SMIM36: variants seen among roughly 807,000 people sequenced by gnomAD.
SMIM36 encodes small integral membrane protein 36.
intron 1 of SMIM36, among the ~76,000 whole-genome samples, chr17:55,485,794 TACGTATGAGGAA>T (rs1317355836): frequency 6.6e-6 from 1 of 152,178 alleles, no homozygotes; most frequent in Non-Finnish European, 1.5e-5. Flanking sequence ...ATTCCCATCT[TACGTATGAGGAA>T]ACGGAGGCAC....
intron 1 of SMIM36, among the ~76,000 whole-genome samples, chr17:55,483,452 T>C (rs1252461954): frequency 6.6e-6 from 1 of 152,182 alleles, no homozygotes; most frequent in Non-Finnish European, 1.5e-5. Context: ...GAGATTAACA[T>C]TTAAATCAGT....
intron 1 of SMIM36, among the ~76,000 whole-genome samples, chr17:55,483,496 G>T (rs1023308864): frequency 6.6e-6 from 1 of 152,116 alleles, no homozygotes; most frequent in African/African-American, 2.4e-5. Flanking sequence ...CCATCATGTG[G>T]GTGGGCCTCC....
At position 55,479,590 on chromosome 17, in the gene SMIM36, T is replaced by TA. The variant is rs1374603766; in HGVS notation, c.*175-11dup. 1 of 151,884 alleles carries TA rather than the reference T, an allele frequency of 6.6e-6. No homozygotes were observed. Among genetic ancestry groups the TA allele is most frequent in the Non-Finnish European group, 1.5e-5 (1 of 67,968 alleles). The allele number at this position is 151,884 out of a possible 1,614,324, so 9.4% of individuals were successfully genotyped here. ...CAGAGTGAGACTCCATCTCAAAAAA[T>TA]AAAAAAATAAAAAATAAACAAATAA... On this transcript the variant is annotated splice_polypyrimidine_tract_variant and intron_variant, in intron 1 of 4. Coordinates refer to ENST00000636752, the Ensembl canonical transcript of SMIM36.
intron 1 of SMIM36, among the ~76,000 whole-genome samples, chr17:55,492,083 A>C (rs1229521666): frequency 2.6e-5 from 4 of 151,216 alleles, no homozygotes; most frequent in South Asian, 2.1e-4. Context: ...GGCGTGAACC[A>C]GGGAGGCAGA....
In SMIM36 at chr17:55,495,752, C is replaced by A. The variant is rs566986969; in HGVS notation, c.*174+15127G>T. 2.2e-3 allele frequency among the ~76,000 whole-genome samples: 334 copies of A among 152,144 alleles called. 3 individuals are homozygous for A. The South Asian group carries it at 0.022, about 10-fold the overall frequency. ...AAGGCTGCTGTGAATTATGATTGTA[C>A]CACTGCTTTCCAGCCTGGGCTGTAA... On this transcript the variant is annotated intron_variant, in intron 1 of 4. Coordinates refer to ENST00000636752, the Ensembl canonical transcript of SMIM36.
chr17:55,459,121 G>A (rs1208821392), intron 4 of SMIM36, among the ~76,000 whole-genome samples: 2 of 152,270 alleles, frequency 1.3e-5, no homozygotes, highest in African/African-American at 2.4e-5. Flanking sequence ...CAGCCTGTCC[G>A]TGTGTATGCT....
At chr17:55,488,497 G>A (rs1169309678) in intron 1 of SMIM36, among the ~76,000 whole-genome samples, 1 of 152,132 alleles carries the variant, frequency 6.6e-6, no homozygotes, top group Non-Finnish European at 1.5e-5. Context: ...GCATACATAT[G>A]TACATTATAC....
intron 1 of SMIM36, among the ~76,000 whole-genome samples, chr17:55,501,620 C>T (rs988141610): frequency 1.5e-5 from 2 of 135,088 alleles, no homozygotes; most frequent in Admixed American, 8.3e-5. Context: ...ATATATTAAT[C>T]ACTGAATATA....
chr17:55,527,625 C>A, the SMIM36 span: 1 of 152,082 alleles, frequency 6.6e-6, no homozygotes, highest in African/African-American at 2.4e-5. Context: ...CTTTTTCCTT[C>A]TTTTTATAGG....
chr17:55,458,685 G>T (rs939416457), intron 4 of SMIM36, among the ~76,000 whole-genome samples: 1 of 151,708 alleles, frequency 6.6e-6, no homozygotes, highest in African/African-American at 2.4e-5. Flanking sequence ...AGAAGAGCAT[G>T]CCTCCTCTGC....
exon 3 of SMIM36, chr17:55,478,776 G>A (rs773973886): frequency 6.6e-6 from 1 of 152,152 alleles, no homozygotes; most frequent in Admixed American, 6.5e-5. Context: ...TTTCTTTGCA[G>A]TGTCTCTTAA....
At chr17:55,513,436 A>G (rs1698678079), upstream of SMIM36, among the ~76,000 whole-genome samples, 1 of 152,240 alleles carries the variant, frequency 6.6e-6, no homozygotes, top group African/African-American at 2.4e-5. Flanking sequence ...TCCTGAAGGC[A>G]GATCTACAGG....
At chr17:55,453,710 C>T (rs1430887613) in intron 4 of SMIM36, among the ~76,000 whole-genome samples, 1 of 152,140 alleles carries the variant, frequency 6.6e-6, no homozygotes, top group Non-Finnish European at 1.5e-5. Flanking sequence ...TCCCTCCCAC[C>T]CCTGCAGGTA....
At chr17:55,468,505 G>C (rs1167338581) in intron 3 of SMIM36, 2 of 153,042 alleles carry the variant, frequency 1.3e-5, no homozygotes, top group Non-Finnish European at 2.9e-5. Flanking sequence ...ATTATAGCGG[G>C]GACGCCTGCC....
intron 1 of SMIM36, among the ~76,000 whole-genome samples, chr17:55,510,424 G>C (rs1910159811): frequency 6.6e-6 from 1 of 152,130 alleles, no homozygotes; most frequent in East Asian, 1.9e-4. Flanking sequence ...GGGCAACATA[G>C]TGAAACCCCA....
chr17:55,508,836 T>C (rs1173426475), intron 1 of SMIM36, among the ~76,000 whole-genome samples: 1 of 151,040 alleles, frequency 6.6e-6, no homozygotes, highest in Non-Finnish European at 1.5e-5. Flanking sequence ...GGCAGGAGCA[T>C]TGCTTGAACC....
chr17:55,519,418 T>C, the SMIM36 span, among the ~76,000 whole-genome samples: 1 of 152,032 alleles, frequency 6.6e-6, no homozygotes. Context: ...GCAATGGTGG[T>C]CCCTGTGTGG....
At chr17:55,501,378 TATAGAATATA>T (rs1909964527) in intron 1 of SMIM36, among the ~76,000 whole-genome samples, 1 of 81,116 alleles carries the variant, frequency 1.2e-5, no homozygotes, top group Non-Finnish European at 2.1e-5. Context: ...TATTATATAT[TATAGAATATA>T]ATATATTATA....
chr17:55,521,365 T>C, the SMIM36 span, among the ~76,000 whole-genome samples: 1 of 152,364 alleles, frequency 6.6e-6, no homozygotes, highest in African/African-American at 2.4e-5. Context: ...GTTTTAGGGA[T>C]AACAAATGTG....
Sources: allele counts gnomAD v4.1 joint callset (sites outside exome capture counted in the v4.1 genomes callset), GRCh38; gene constraint gnomAD v4.1.1; transcripts MANE v1.5; gene names NCBI Gene and HGNC (gene_info 2026-07-23, HGNC 2026-07-21).